The following WNT4 variants were observed in gnomAD, a reference collection of about 807,000 sequenced individuals.
The protein encoded by WNT4 is Wnt family member 4, also known as protein Wnt-4.
A neutral mutation model predicts 34.5 loss-of-function variants in WNT4; 16 were observed. That is an observed-to-expected ratio of 0.46 (90% CI 0.31 to 0.70). The LOEUF (loss-of-function observed/expected upper bound fraction) is 0.70, where lower values mean the gene tolerates loss of function less well. Ranked by LOEUF, WNT4 falls within the 30% of genes least tolerant of loss-of-function variation. The pLI, the probability that WNT4 is intolerant of heterozygous loss-of-function variation, is 0.04. For missense variants in WNT4, 379 were observed against 495.9 expected, an observed-to-expected ratio of 0.76 and a Z score of 2.24; for synonymous variants, 200 against 211.9, an observed-to-expected ratio of 0.94 and a Z score of 0.49.
At position 22,126,766 on chromosome 1, in the gene WNT4, C is replaced by T. The variant is rs554298439; in HGVS notation, c.313+2850G>A. ...TACTGCAGATGACAGCAGCTGGTGA[C>T]GGGAGGCGTGTCTACACGAAGTGCT... On this transcript the variant is annotated intron_variant, in intron 2 of 4. Coordinates refer to ENST00000290167, the MANE Select transcript of WNT4 (RefSeq NM_030761.5). 1.3e-3 allele frequency among the ~76,000 whole-genome samples: 193 copies of T among 152,334 alleles called. 1 individual carries two copies. The highest frequency in any genetic ancestry group is 2.7e-3 in the African/African-American group (113 of 41,574).
chr1:22,132,333 G>T (rs573730778), intron 1 of WNT4, among the ~76,000 whole-genome samples: 4 of 152,300 alleles, frequency 2.6e-5, no homozygotes, highest in Non-Finnish European at 4.4e-5. Flanking sequence ...TGGGCCCTGG[G>T]CTCTGGTCAA....
Position 22,129,603 on chromosome 1 carries a change from G to A in WNT4, c.313+13C>T, listed in dbSNP as rs568362921. 7.4e-6 allele frequency: 12 copies of A among 1,611,174 alleles called. No individual in the cohort carries two copies. The highest frequency in any genetic ancestry group is 1.1e-5 in the South Asian group (1 of 90,816). ...CGCAGGCTCCCCTGCAGCCCCGCAC[G>A]CCCTTCCCTCACCTTGCGTCACCAC... On this transcript the variant is annotated intron_variant, in intron 2 of 4. Transcript: ENST00000290167.
Position 22,142,766 on chromosome 1 carries a change from C to T in WNT4, c.77+80G>A. ...TGCCGGGCTGCCCCGCGCCCGCTGC[C>T]CCGCGCCGCCTGGCACCGGCCGCTG... On this transcript the variant is annotated intron_variant, in intron 1 of 4. Transcript: ENST00000290167. The surrounding 1 kb of genome is among the most constrained non-coding windows in gnomAD (Gnocchi z 6.0). 1 of 942,912 alleles carries T rather than the reference C, an allele frequency of 1.1e-6. No individual in the cohort carries two copies. The highest frequency in any genetic ancestry group is 1.3e-6 in the Non-Finnish European group (1 of 792,488). 58.4% of individuals were successfully genotyped at this position (942,912 alleles called of 1,614,324 possible).
chr1:22,119,856 G>T lies in WNT4; in HGVS notation c.*194C>A. 1 of 680,966 alleles carries T rather than the reference G, an allele frequency of 1.5e-6. No homozygotes were observed. The highest frequency in any genetic ancestry group is 2.5e-6 in the Non-Finnish European group (1 of 407,618). The allele number at this position is 680,966 out of a possible 1,614,324, so 42.2% of individuals were successfully genotyped here. On this transcript the variant is annotated 3_prime_UTR_variant, in exon 5 of 5. Transcript: ENST00000290167. ...GTCAGTGGCAGCCACAAAGGCCCAG[G>T]CTTTGGGGAGGCCCTGGTTGGTGCC...
In WNT4 at chr1:22,129,606, C is replaced by A. The variant is rs372735339; in HGVS notation, c.313+10G>T. 71 of 1,611,984 alleles carry A rather than the reference C, an allele frequency of 4.4e-5. No homozygotes were observed. The African/African-American group carries it at 8.8e-4, about 20-fold the overall frequency. On this transcript the variant is annotated intron_variant, in intron 2 of 4. Coordinates refer to ENST00000290167, the MANE Select transcript of WNT4 (RefSeq NM_030761.5). ...AGGCTCCCCTGCAGCCCCGCACGCC[C>A]TTCCCTCACCTTGCGTCACCACCTT...
At position 22,140,781 on chromosome 1, in the gene WNT4, G is replaced by A. The variant is rs529922067; in HGVS notation, c.77+2065C>T. Among the ~76,000 whole-genome samples the A allele has an allele frequency of 1.3e-5, 2 of 152,346 alleles. No homozygotes were observed. Among genetic ancestry groups the A allele is most frequent in the South Asian group, 2.1e-4 (1 of 4,824 alleles). On this transcript the variant is annotated intron_variant, in intron 1 of 4. Transcript: ENST00000290167. This position sits in a 1 kb window ranked among gnomAD's most constrained non-coding sequence, Gnocchi z 5.9. ...CCCTTGGCTTGAAGCCGGGGGTGGAGCAGGAGTGAGCTGGGTCATCCAGAG... is the reference window on the plus strand; with the variant it reads ...CCCTTGGCTTGAAGCCGGGGGTGGAACAGGAGTGAGCTGGGTCATCCAGAG...
chr1:22,122,075 C>T (rs1313988390), intron 2 of WNT4, among the ~76,000 whole-genome samples: 1 of 152,182 alleles, frequency 6.6e-6, no homozygotes, highest in East Asian at 1.9e-4. Context: ...CTGGCCTGTT[C>T]CCCAGCTGGC....
chr1:22,121,450 G>T lies in WNT4; in HGVS notation c.440C>A (p.Pro147Gln), dbSNP rs1478914411. Residue 147 changes from proline to glutamine, a missense_variant, in exon 3 of 5, where the codon CCA becomes CAA. Transcript: ENST00000290167. ...GCDRTVHGVS[P>Q]QGFQWSGCSD... ...TGACCACCTCCTGCACCTACCCTGT[G>T]GGCTGACCCCATGCACTGTCCTGTC... is the stretch of plus-strand genomic sequence containing the variant. The T allele has an allele frequency of 6.2e-7, 1 of 1,613,980 alleles. No individual in the cohort carries two copies. The highest frequency in any genetic ancestry group is 8.5e-7 in the Non-Finnish European group (1 of 1,180,004).
At chr1:22,132,398 C>T (rs1570107397) in intron 1 of WNT4, among the ~76,000 whole-genome samples, 2 of 152,348 alleles carry the variant, frequency 1.3e-5, no homozygotes, top group East Asian at 1.9e-4. Flanking sequence ...CTCTGACCCA[C>T]CATGACCTTG....
At position 22,118,148 on chromosome 1, in the gene WNT4, C is replaced by T. The variant is rs1331138292; in HGVS notation, c.*1902G>A. The T allele has an allele frequency of 6.6e-6, 1 of 152,234 alleles. No individual in the cohort carries two copies. Among genetic ancestry groups the T allele is most frequent in the Non-Finnish European group, 1.5e-5 (1 of 68,052 alleles). 9.4% of individuals were successfully genotyped at this position (152,234 alleles called of 1,614,324 possible). On this transcript the variant is annotated 3_prime_UTR_variant, in exon 5 of 5. Coordinates refer to ENST00000290167, the MANE Select transcript of WNT4 (RefSeq NM_030761.5). ...GGGCCAAGGGTGTTGACCCTCTTTT[C>T]ATGAGGGAGCCAACACTAGGAGGCA...
intron 2 of WNT4, among the ~76,000 whole-genome samples, chr1:22,125,453 C>T (rs1298887482): frequency 6.6e-6 from 1 of 152,186 alleles, no homozygotes; most frequent in East Asian, 1.9e-4. Context: ...AAGGTGAGAG[C>T]ACAGGTTCTA....
chr1:22,141,978 G>C (rs1469977387), intron 1 of WNT4, among the ~76,000 whole-genome samples: 1 of 152,190 alleles, frequency 6.6e-6, no homozygotes, highest in South Asian at 2.1e-4. Context: ...TTAAGCGCGG[G>C]GCATGGGGAA....
At chr1:22,128,185 G>T (rs1168804310) in intron 2 of WNT4, among the ~76,000 whole-genome samples, 1 of 152,216 alleles carries the variant, frequency 6.6e-6, no homozygotes, top group African/African-American at 2.4e-5. Context: ...TTAGGAGAAT[G>T]ACTTCCAAAT....
At chr1:22,141,708 A>G (rs967009088) in intron 1 of WNT4, among the ~76,000 whole-genome samples, 5 of 152,036 alleles carry the variant, frequency 3.3e-5, no homozygotes, top group African/African-American at 1.2e-4. Context: ...TCCAGCCTGG[A>G]GGGCTCTGGC....
At chr1:22,123,627 C>T (rs1645918848) in intron 2 of WNT4, among the ~76,000 whole-genome samples, 1 of 152,216 alleles carries the variant, frequency 6.6e-6, no homozygotes, top group Non-Finnish European at 1.5e-5. Flanking sequence ...GATGAGGAAA[C>T]TGAGGCACTG....
Position 22,139,542 on chromosome 1 carries a change from A to G in WNT4, c.77+3304T>C, listed in dbSNP as rs1481969230. ...CTCCCCTCACCCGTGGGATTCTGCT[A>G]GAACCCCGCTACCCCACTACTTTCC... On this transcript the variant is annotated intron_variant, in intron 1 of 4. Coordinates refer to ENST00000290167, the MANE Select transcript of WNT4 (RefSeq NM_030761.5). This position sits in a 1 kb window ranked among gnomAD's most constrained non-coding sequence, Gnocchi z 4.6. Among the ~76,000 whole-genome samples the G allele has an allele frequency of 6.6e-6, 1 of 152,176 alleles. No individual in the cohort carries two copies. The highest frequency in any genetic ancestry group is 1.5e-5 in the Non-Finnish European group (1 of 68,010).
chr1:22,130,926 G>A (rs1330412445), intron 1 of WNT4, among the ~76,000 whole-genome samples: 1 of 152,236 alleles, frequency 6.6e-6, no homozygotes, highest in Non-Finnish European at 1.5e-5. Context: ...TGGAACTTGG[G>A]ACTGGGCTAA....
At position 22,140,308 on chromosome 1, in the gene WNT4, T is replaced by C; in HGVS notation, c.77+2538A>G. 1.0e-6 allele frequency: 1 copy of C among 983,836 alleles called. No individual in the cohort carries two copies. Among genetic ancestry groups the C allele is most frequent in the East Asian group, 1.1e-4 (1 of 8,818 alleles). 60.9% of individuals were successfully genotyped at this position (983,836 alleles called of 1,614,324 possible). A position where few individuals can be genotyped will look rare whatever the true frequency, so the allele number is the denominator to read the frequency against. On this transcript the variant is annotated intron_variant, in intron 1 of 4. Transcript: ENST00000290167. This position sits in a 1 kb window ranked among gnomAD's most constrained non-coding sequence, Gnocchi z 5.9. ...TCGGACACCTCTGGCATTTACCAGC[T>C]GGGTGACTTGGGCAGTTACCTCTGC...
rs1416558120 is a variant in WNT4 at position 22,118,937 on chromosome 1, T to G, written c.*1113A>C. Reference sequence around the variant, plus strand: ...GTTTGTCTGCTTCCCAGGACTGTTGTGGCCATCAAGTGAGATGGCCTGTAC... The same window carrying G: ...GTTTGTCTGCTTCCCAGGACTGTTGGGGCCATCAAGTGAGATGGCCTGTAC... On this transcript the variant is annotated 3_prime_UTR_variant, in exon 5 of 5. Transcript: ENST00000290167. 1.3e-5 allele frequency: 2 copies of G among 152,334 alleles called. No individual in the cohort carries two copies. The highest frequency in any genetic ancestry group is 2.9e-5 in the Non-Finnish European group (2 of 68,106). The allele number at this position is 152,334 out of a possible 1,614,324, so 9.4% of individuals were successfully genotyped here. A position where few individuals can be genotyped will look rare whatever the true frequency, so the allele number is the denominator to read the frequency against.
Sources: gnomAD v4.1 joint callset for allele counts (sites outside exome capture counted in the v4.1 genomes callset) on GRCh38, gnomAD v4.1.1 for gene constraint, Gnocchi (gnomAD v3.1) non-coding constraint, MANE v1.5 for transcripts, NCBI Gene and HGNC (gene_info 2026-07-23, HGNC 2026-07-21) for gene names.